Variants in CDH7 observed in about 807,000 individuals in gnomAD.
CDH7 encodes the protein cadherin 7.
CDH7 carries 25 observed loss-of-function variants against 71.8 expected under a neutral mutation model. The ratio of observed to expected loss-of-function variants is 0.35; its 90% CI spans 0.25 to 0.49. The LOEUF (loss-of-function observed/expected upper bound fraction) is 0.49. Among genes scored for constraint, CDH7 ranks in the 20% least tolerant of loss-of-function variants. CDH7 has a pLI of 0.99. For synonymous variants in CDH7, 381 were observed against 363.8 expected, an observed-to-expected ratio of 1.05 and a Z score of -0.54; for missense variants, 862 against 974.6, an observed-to-expected ratio of 0.88 and a Z score of 1.54.
At position 65,850,580 on chromosome 18, in the gene CDH7, TTTATTA is replaced by T. The variant is rs138534553; in HGVS notation, c.1235+6548_1235+6553del. 8.6e-3 allele frequency among the ~76,000 whole-genome samples: 1,264 copies of T among 147,782 alleles called. 18 individuals carry two copies. The highest frequency in any genetic ancestry group is 0.03 in the African/African-American group (1,188 of 39,682). On this transcript the variant is annotated intron_variant, in intron 7 of 11. Coordinates refer to ENST00000397968, the MANE Select transcript of CDH7 (RefSeq NM_004361.5). ...TAAGATTCACATTCCCTGCAGAGGTTTTATTATTATTATTATTATTATTATTATTAT... is the reference window on the plus strand; with the variant it reads ...TAAGATTCACATTCCCTGCAGAGGTTTTATTATTATTATTATTATTATTAT...
At position 65,885,372 on chromosome 18, in the gene CDH7, G is replaced by GTTTTTTTTTGTTTTT. The variant is rs1914343520; in HGVS notation, c.*4487_*4488insGTTTTTTTTTTTTTT. 1 of 69,436 alleles carries GTTTTTTTTTGTTTTT rather than the reference G, an allele frequency of 1.4e-5. No individual in the cohort carries two copies. Among genetic ancestry groups the GTTTTTTTTTGTTTTT allele is most frequent in the Non-Finnish European group, 2.7e-5 (1 of 37,390 alleles). 4.3% of individuals were successfully genotyped at this position (69,436 alleles called of 1,614,324 possible). A position where few individuals can be genotyped will look rare whatever the true frequency, so the allele number is the denominator to read the frequency against. ...GTAACTGAAAAGGATGTGTGCCTGTGTTTTTTTTTTTTTTTTTTTTTTTGA... is the reference window on the plus strand; with the variant it reads ...GTAACTGAAAAGGATGTGTGCCTGTGTTTTTTTTTGTTTTTTTTTTTTTTTTTTTTTTTTTTTTGA... On this transcript the variant is annotated 3_prime_UTR_variant, in exon 12 of 12. Coordinates refer to ENST00000397968, the MANE Select transcript of CDH7 (RefSeq NM_004361.5).
Position 65,885,135 on chromosome 18 carries a change from G to A in CDH7, c.*4241G>A, listed in dbSNP as rs1280257774. 1 of 151,984 alleles carries A rather than the reference G, an allele frequency of 6.6e-6. No homozygotes were observed. The highest frequency in any genetic ancestry group is 1.5e-5 in the Non-Finnish European group (1 of 67,980). The allele number at this position is 151,984 out of a possible 1,614,324, so 9.4% of individuals were successfully genotyped here. A position where few individuals can be genotyped will look rare whatever the true frequency, so the allele number is the denominator to read the frequency against. ...CTGGATATAATAAAGAACAAGAAAG[G>A]AATAATAGCATTTGCATTTTAAATG... On this transcript the variant is annotated 3_prime_UTR_variant, in exon 12 of 12. Coordinates refer to ENST00000397968, the MANE Select transcript of CDH7 (RefSeq NM_004361.5).
intron 5 of CDH7, among the ~76,000 whole-genome samples, chr18:65,823,790 C>G (rs1599031571): frequency 6.6e-6 from 1 of 151,304 alleles, no homozygotes; most frequent in Middle Eastern, 3.4e-3. Context: ...CAAGACAGGA[C>G]AAATGCACCA....
chr18:65,780,921 T>TTG (rs1910159673), intron 2 of CDH7, among the ~76,000 whole-genome samples: 1 of 124,148 alleles, frequency 8.1e-6, no homozygotes, highest in African/African-American at 5.9e-5. Context: ...TATTCCTGTT[T>TTG]TTTTTTTTTT....
chr18:65,756,942 G>A (rs751721754), intron 1 of CDH7, among the ~76,000 whole-genome samples: 2 of 152,102 alleles, frequency 1.3e-5, no homozygotes, highest in Non-Finnish European at 2.9e-5. Flanking sequence ...GGCTGAATAT[G>A]ATGTATACTT....
chr18:65,787,495 A>G (rs1910559660), intron 2 of CDH7, among the ~76,000 whole-genome samples: 1 of 152,230 alleles, frequency 6.6e-6, no homozygotes, highest in South Asian at 2.1e-4. Context: ...ACCAAATACA[A>G]GTAACATATT....
At chr18:65,877,878 C>T (rs142248215) in intron 11 of CDH7, among the ~76,000 whole-genome samples, 27 of 152,248 alleles carry the variant, frequency 1.8e-4, no homozygotes, top group African/African-American at 6.5e-4. Context: ...CTTTCTTGAG[C>T]AAGCAAATTG....
At chr18:65,867,691 A>G (rs1913806624) in intron 11 of CDH7, among the ~76,000 whole-genome samples, 1 of 152,210 alleles carries the variant, frequency 6.6e-6, no homozygotes, top group Non-Finnish European at 1.5e-5. Context: ...TGAATTTACT[A>G]TATTAAGTTT....
rs1409620454 is a variant in CDH7, at chr18:65,881,401, T to A, written c.*507T>A. 1.3e-5 allele frequency: 2 copies of A among 152,246 alleles called. No homozygotes were observed. The highest frequency in any genetic ancestry group is 4.8e-5 in the African/African-American group (2 of 41,464). 9.4% of individuals were successfully genotyped at this position (152,246 alleles called of 1,614,324 possible). On this transcript the variant is annotated 3_prime_UTR_variant, in exon 12 of 12. Coordinates refer to ENST00000397968, the MANE Select transcript of CDH7 (RefSeq NM_004361.5). ...TATATTATAGAATCCAACAGAATTA[T>A]GTTGCTCTTGATTAACAGAAATATT...
chr18:65,818,497 G>C (rs1248697288), intron 4 of CDH7, among the ~76,000 whole-genome samples: 1 of 152,104 alleles, frequency 6.6e-6, no homozygotes, highest in Non-Finnish European at 1.5e-5. Context: ...GTCTTTAATA[G>C]CAAAACATCA....
At chr18:65,812,148 T>A (rs1462341493) in intron 3 of CDH7, among the ~76,000 whole-genome samples, 2 of 151,814 alleles carry the variant, frequency 1.3e-5, no homozygotes, top group African/African-American at 4.8e-5. Context: ...TTTGTATTTT[T>A]ACTAGAAATG....
chr18:65,804,897 A>C (rs946224951), intron 2 of CDH7, among the ~76,000 whole-genome samples: 2 of 152,208 alleles, frequency 1.3e-5, no homozygotes, highest in African/African-American at 4.8e-5. Flanking sequence ...AAAGCAAGGC[A>C]TCTGAACTCC....
intron 11 of CDH7, chr18:65,866,383 CT>C (rs1913762320): frequency 2.0e-5 from 1 of 50,916 alleles, no homozygotes; most frequent in South Asian, 1.1e-3. Flanking sequence ...ACTTTAGACT[CT>C]TAAAAAAAAA....
intron 2 of CDH7, among the ~76,000 whole-genome samples, chr18:65,801,399 C>T (rs931999700): frequency 6.6e-6 from 1 of 152,260 alleles, no homozygotes; most frequent in African/African-American, 2.4e-5. Flanking sequence ...GCTAAAGGGA[C>T]ACTTTTAATC....
In CDH7 at chr18:65,849,059, C is replaced by A. The variant is rs374697475; in HGVS notation, c.1235+4994C>A. Among the ~76,000 whole-genome samples, 77 of 152,018 alleles carry A rather than the reference C, an allele frequency of 5.1e-4. 1 individual carries two copies. In the South Asian group the frequency reaches 0.015, roughly 30 times the overall value. ...ATTTTATTCTAAGAAAATTAGCAAA[C>A]CAACCAGTAACATAACATACAGAAA... On this transcript the variant is annotated intron_variant, in intron 7 of 11. Coordinates refer to ENST00000397968, the MANE Select transcript of CDH7 (RefSeq NM_004361.5).
intron 2 of CDH7, among the ~76,000 whole-genome samples, chr18:65,772,530 A>G (rs1476199994): frequency 6.6e-6 from 1 of 152,162 alleles, no homozygotes; most frequent in Non-Finnish European, 1.5e-5. Context: ...ATTTAATTAT[A>G]CCTAAGAACA....
chr18:65,789,751 C>T (rs1169534297), intron 2 of CDH7, among the ~76,000 whole-genome samples: 1 of 152,028 alleles, frequency 6.6e-6, no homozygotes, highest in Non-Finnish European at 1.5e-5. Context: ...AGTTGAGGAT[C>T]TTAGGAGGCA....
At chr18:65,844,185 A>ATATATATATATC in intron 7 of CDH7, 120 bp downstream of exon 7, 1 of 256,382 alleles carries the variant, frequency 3.9e-6, no homozygotes, top group Non-Finnish European at 7.1e-6. Flanking sequence ...ATATATATAT[A>ATATATATATATC]TATCGAGTTA....
chr18:65,827,703 A>G (rs1912183675), intron 6 of CDH7, among the ~76,000 whole-genome samples: 1 of 151,960 alleles, frequency 6.6e-6, no homozygotes, highest in South Asian at 2.1e-4. Context: ...CTTAATGTGG[A>G]GAATATATAT....
Sources: allele counts gnomAD v4.1 joint callset (sites outside exome capture counted in the v4.1 genomes callset), GRCh38; gene constraint gnomAD v4.1.1; transcripts MANE v1.5; gene names NCBI Gene and HGNC (gene_info 2026-07-23, HGNC 2026-07-21).